Variants in KIAA1549L observed in about 807,000 individuals in gnomAD.
The protein encoded by KIAA1549L is UPF0606 protein KIAA1549L.
KIAA1549L carries 88 observed loss-of-function variants against 160.7 expected under a neutral mutation model. The ratio of observed to expected loss-of-function variants is 0.55; its 90% CI spans 0.46 to 0.65. KIAA1549L has a LOEUF of 0.65. Ranked by LOEUF, KIAA1549L falls within the 30% of genes least tolerant of loss-of-function variation. The pLI is 0.00. For synonymous variants in KIAA1549L, 950 were observed against 976.7 expected, an observed-to-expected ratio of 0.97 and a Z score of 0.51; for missense variants, 2,258 against 2,437.5, an observed-to-expected ratio of 0.93 and a Z score of 1.55.
chr11:33,379,350 C>T (rs1189084658), intron 1 of KIAA1549L, among the ~76,000 whole-genome samples: 1 of 152,126 alleles, frequency 6.6e-6, no homozygotes, highest in African/African-American at 2.4e-5. Context: ...CTCTTTTCCA[C>T]ATAAAGAAAA....
chr11:33,466,165 A>G (rs1436832393), intron 1 of KIAA1549L, among the ~76,000 whole-genome samples: 2 of 152,266 alleles, frequency 1.3e-5, no homozygotes, highest in Non-Finnish European at 2.9e-5. Context: ...AAAAGAAAGT[A>G]TCATCAGAGT....
chr11:33,458,399 G>A (rs762094532), intron 1 of KIAA1549L, among the ~76,000 whole-genome samples: 7 of 152,320 alleles, frequency 4.6e-5, no homozygotes, highest in Non-Finnish European at 7.3e-5. Context: ...AAATACATTC[G>A]TTTGGGTGAC....
chr11:33,622,432 C>T (rs1263148337), intron 16 of KIAA1549L, among the ~76,000 whole-genome samples: 1 of 152,168 alleles, frequency 6.6e-6, no homozygotes, highest in African/African-American at 2.4e-5. Flanking sequence ...TGCCCTGGAA[C>T]ACCGAGGTTA....
At chr11:33,441,729 T>C (rs1427163548) in intron 1 of KIAA1549L, among the ~76,000 whole-genome samples, 1 of 152,230 alleles carries the variant, frequency 6.6e-6, no homozygotes, top group Non-Finnish European at 1.5e-5. Context: ...TTTTGAGAAG[T>C]GTCTGTTCAT....
At chr11:33,633,085 C>T in intron 16 of KIAA1549L, among the ~76,000 whole-genome samples, 1 of 150,678 alleles carries the variant, frequency 6.6e-6, no homozygotes, top group African/African-American at 2.4e-5. Context: ...AGGCGATTCT[C>T]CTGTCTCAGC....
At chr11:33,428,909 TCCCA>T (rs1851174435) in intron 1 of KIAA1549L, among the ~76,000 whole-genome samples, 1 of 152,230 alleles carries the variant, frequency 6.6e-6, no homozygotes, top group African/African-American at 2.4e-5. Flanking sequence ...TAGTTTACAC[TCCCA>T]CCAACAGTGT....
At chr11:33,398,688 C>A (rs1009219849) in intron 1 of KIAA1549L, among the ~76,000 whole-genome samples, 2 of 152,208 alleles carry the variant, frequency 1.3e-5, no homozygotes, top group African/African-American at 4.8e-5. Context: ...TCGCCCATAG[C>A]CCCAAGAGTC....
At chr11:33,520,004 T>G (rs1263297789) in intron 1 of KIAA1549L, among the ~76,000 whole-genome samples, 3 of 152,002 alleles carry the variant, frequency 2.0e-5, no homozygotes, top group African/African-American at 7.3e-5. Context: ...GTTGCAGATA[T>G]TGAATGTGTA....
chr11:33,378,838 C>T (rs1447717017), intron 1 of KIAA1549L, among the ~76,000 whole-genome samples: 1 of 152,046 alleles, frequency 6.6e-6, no homozygotes, highest in Non-Finnish European at 1.5e-5. Context: ...CCTATCTGCT[C>T]TCATTTGTTC....
intron 1 of KIAA1549L, among the ~76,000 whole-genome samples, chr11:33,427,877 C>T (rs1419076579): frequency 6.6e-6 from 1 of 152,210 alleles, no homozygotes; most frequent in African/African-American, 2.4e-5. Context: ...TAGAGCCATA[C>T]AATATGTGAA....
chr11:33,593,618 T>C (rs562915372), intron 12 of KIAA1549L, among the ~76,000 whole-genome samples: 1 of 152,246 alleles, frequency 6.6e-6, no homozygotes, highest in South Asian at 2.1e-4. Context: ...AGAGGTGTTT[T>C]GAAGGAAGAG....
chr11:33,660,993 C>G lies in KIAA1549L; in HGVS notation c.6138C>G (p.Leu2046=), dbSNP rs775741371. 1.2e-6 allele frequency: 2 copies of G among 1,610,422 alleles called. No homozygotes were observed. The highest frequency in any genetic ancestry group is 1.1e-5 in the South Asian group (1 of 90,308). Residue 2046 remains leucine, a synonymous_variant, in exon 20 of 21, where the codon CTC becomes CTG. Transcript: ENST00000658780. ...AWMSYAGENE[L]PSQWADSVPL... is the part of the protein sequence containing the mutation. ...TGTCCTATGCAGGAGAGAATGAGCT[C>G]CCGAGCCAGTGGGCAGATTCGGTGA...
chr11:33,556,102 C>T (rs1171169259), intron 6 of KIAA1549L, among the ~76,000 whole-genome samples: 1 of 152,124 alleles, frequency 6.6e-6, no homozygotes, highest in African/African-American at 2.4e-5. Context: ...AAATCAAAAC[C>T]ATGAGATACC....
At chr11:33,459,948 G>C (rs566730178) in intron 1 of KIAA1549L, among the ~76,000 whole-genome samples, 1 of 78,456 alleles carries the variant, frequency 1.3e-5, no homozygotes, top group African/African-American at 6.7e-5. Context: ...GCGACAGAGC[G>C]AGACTCCGTC....
chr11:33,564,389 T>G (rs144725334), intron 8 of KIAA1549L, among the ~76,000 whole-genome samples: 6 of 152,334 alleles, frequency 3.9e-5, no homozygotes, highest in African/African-American at 1.4e-4. Context: ...GCCTGACATG[T>G]TTTCATCTGT....
rs551463234 is a variant in KIAA1549L at position 33,601,260 on chromosome 11, G to A, written c.4879+2313G>A. Among the ~76,000 whole-genome samples, 19 of 152,198 alleles carry A rather than the reference G, an allele frequency of 1.2e-4. 1 individual carries two copies. The Middle Eastern group carries it at 0.01, about 82-fold the overall frequency. On this transcript the variant is annotated intron_variant, in intron 13 of 20. Transcript: ENST00000658780. ...GCTTCTGTTTACAGGTTTCTATTCC[G>A]TAAGGTTTTAGGTTTGAACTTTTCC... is the stretch of plus-strand genomic sequence containing the variant.
intron 8 of KIAA1549L, among the ~76,000 whole-genome samples, chr11:33,566,884 A>C (rs1384208484): frequency 6.6e-6 from 1 of 152,250 alleles, no homozygotes; most frequent in Admixed American, 6.5e-5. Flanking sequence ...TTATCTTCCC[A>C]GCCCTTTCAA....
chr11:33,609,911 C>T lies in KIAA1549L; in HGVS notation c.5224C>T (p.His1742Tyr). The T allele has an allele frequency of 1.9e-6, 3 of 1,614,004 alleles. No homozygotes were observed. The highest frequency in any genetic ancestry group is 2.5e-6 in the Non-Finnish European group (3 of 1,179,882). Residue 1742 changes from histidine to tyrosine, a missense_variant, in exon 15 of 21, where the codon CAT (histidine) becomes TAT (tyrosine). Around this residue, in one of 6 missense-constraint regions of KIAA1549L, gnomAD observed 1,359 missense variants for 1,546.6 expected, o/e 0.88. Transcript: ENST00000658780. Reference protein sequence around the residue: ...MYEKAPKEMEHVLDPDSELCA... With the variant: ...MYEKAPKEMEYVLDPDSELCA... ...TGAAAAAGCCCCGAAGGAAATGGAG[C>T]ATGTTTTGGATCCAGATTCAGAACT...
At chr11:33,568,337 A>G in intron 9 of KIAA1549L, 110 bp downstream of exon 9, 1 of 1,033,118 alleles carries the variant, frequency 9.7e-7, no homozygotes, top group Non-Finnish European at 1.3e-6. Flanking sequence ...CCATGCTGCC[A>G]ACTGACTAAG....
Sources: gnomAD v4.1 joint callset for allele counts (sites outside exome capture counted in the v4.1 genomes callset) on GRCh38, gnomAD v4.1.1 for gene constraint, gnomAD v4.1.1 regional missense constraint, MANE v1.5 for transcripts, NCBI Gene and HGNC (gene_info 2026-07-23, HGNC 2026-07-21) for gene names.